Variants in LITAF observed in about 807,000 individuals in gnomAD.
LITAF encodes the protein lipopolysaccharide induced TNF factor, also known as lipopolysaccharide-induced tumor necrosis factor-alpha factor.
Under a neutral mutation model 14.5 loss-of-function variants are expected in LITAF, and 9 were observed. That is an observed-to-expected ratio of 0.62 (90% CI 0.37 to 1.08). LITAF has a LOEUF of 1.08. LITAF is among the 50% of genes least tolerant of loss of function. LITAF has a pLI of 0.01. For synonymous variants in LITAF, 98 were observed against 88.2 expected (o/e 1.11, Z -0.62); for missense variants, 206 against 213.4 (o/e 0.97, Z 0.22).
chr16:11,608,526 C>T (rs1011231128), intron 3 of LITAF, among the ~76,000 whole-genome samples: 3 of 152,194 alleles, frequency 2.0e-5, no homozygotes, highest in African/African-American at 7.2e-5. Flanking sequence ...AAATGTCCGT[C>T]GACAGACAAG....
intron 1 of LITAF, among the ~76,000 whole-genome samples, chr16:11,596,645 TGAG>T (rs1431621693): frequency 2.3e-5 from 1 of 44,418 alleles, no homozygotes; most frequent in East Asian, 8.7e-4. Flanking sequence ...GGGAAAAGGA[TGAG>T]GGGGAGAGGG....
upstream of LITAF, among the ~76,000 whole-genome samples, chr16:11,602,688 C>G (rs765611039): frequency 6.1e-5 from 9 of 147,856 alleles, no homozygotes; most frequent in Non-Finnish European, 1.2e-4. Context: ...TTGAGTTACA[C>G]TTGTGTTTTA....
At chr16:11,595,946 G>A (rs181876270) in intron 1 of LITAF, among the ~76,000 whole-genome samples, 1 of 152,104 alleles carries the variant, frequency 6.6e-6, no homozygotes, top group Admixed American at 6.6e-5. Context: ...AGGCATCCTG[G>A]GTTCCATCTA....
At chr16:11,635,990 G>T (rs1455856445) in intron 1 of LITAF, 1 of 152,334 alleles carries the variant, frequency 6.6e-6, no homozygotes, top group Non-Finnish European at 1.5e-5. Context: ...CACAGGCTGG[G>T]TTATTTTTCC....
chr16:11,598,195 G>A (rs553078410), intron 1 of LITAF, among the ~76,000 whole-genome samples: 4 of 151,864 alleles, frequency 2.6e-5, no homozygotes, highest in African/African-American at 9.7e-5. Flanking sequence ...TCTGTGCCCG[G>A]CCAAAAGCTC....
chr16:11,638,485 G>A (rs113674252), upstream of LITAF, among the ~76,000 whole-genome samples: 3,508 of 151,852 alleles, frequency 0.023, 147 homozygotes, highest in African/African-American at 0.08. Flanking sequence ...GGCGCATCAC[G>A]AGATCAGGAG....
At chr16:11,550,186 T>C (rs919061890) in intron 3 of LITAF, among the ~76,000 whole-genome samples, 2 of 152,120 alleles carry the variant, frequency 1.3e-5, no homozygotes, top group Non-Finnish European at 2.9e-5. Flanking sequence ...TCCTCCTGGG[T>C]TCAAGCAATT....
rs754748605 is a variant in LITAF at position 11,549,641 on chromosome 16, A to C, written c.482T>G (p.Leu161Trp). 1.9e-6 allele frequency: 3 copies of C among 1,612,454 alleles called. No individual in the cohort carries two copies. Among genetic ancestry groups the C allele is most frequent in the Admixed American group, 3.3e-5 (2 of 59,878 alleles). ...CRALLGTYKR[L>W] ...CCCTCCACGTCTGGCTGAGTCCTACAAACGCTTGTAGGTGCCCAGGAGAGC... is the reference window on the plus strand; with the variant it reads ...CCCTCCACGTCTGGCTGAGTCCTACCAACGCTTGTAGGTGCCCAGGAGAGC... Residue 161 changes from leucine (L) to tryptophan (W), a missense_variant, in exon 4 of 4, where the codon TTG (leucine) becomes TGG (tryptophan). Physicochemically the swap from Leu to Trp is moderately conservative, Grantham distance 61. Transcript: ENST00000622633. The surrounding 1 kb of genome is among the most constrained non-coding windows in gnomAD (Gnocchi z 4.6).
intron 1 of LITAF, among the ~76,000 whole-genome samples, chr16:11,568,842 G>A (rs558380240): frequency 6.6e-6 from 1 of 152,144 alleles, no homozygotes; most frequent in Non-Finnish European, 1.5e-5. Context: ...ACCAAGCCCA[G>A]CTAATTTTTG....
upstream of LITAF, among the ~76,000 whole-genome samples, chr16:11,602,174 T>C (rs1203362112): frequency 6.6e-6 from 1 of 152,006 alleles, no homozygotes; most frequent in African/African-American, 2.4e-5. Flanking sequence ...CCAGCCAACA[T>C]AGTGAAACCC....
rs532569244 is a variant in LITAF at position 11,567,195 on chromosome 16, G to A, written c.-5-10460C>T. Among the ~76,000 whole-genome samples the A allele has an allele frequency of 5.6e-3, 849 of 152,194 alleles. 8 individuals are homozygous for A. The highest frequency in any genetic ancestry group is 0.019 in the African/African-American group (794 of 41,524). ...AGCACTTTGGGAGGCCGAGGCAGGC[G>A]GATTACCTGAGGTCAGGAGTTTGAG... On this transcript the variant is annotated intron_variant, in intron 1 of 3. Coordinates refer to ENST00000622633, the MANE Select transcript of LITAF (RefSeq NM_001136472.2).
At chr16:11,587,129 C>G (rs1185584521), upstream of LITAF, 1 of 308,772 alleles carries the variant, frequency 3.2e-6, no homozygotes, top group Admixed American at 4.2e-5. Context: ...TCGCTCGCCA[C>G]CCCAGAGCTT....
At chr16:11,569,015 C>T (rs77376715) in intron 1 of LITAF, among the ~76,000 whole-genome samples, 17,567 of 152,050 alleles carry the variant, frequency 0.12, 1,012 homozygotes, top group Middle Eastern at 0.16. Context: ...GGGCCTTTCT[C>T]CTCCCTGACC....
At chr16:11,583,346 C>G (rs559916432) in intron 1 of LITAF, among the ~76,000 whole-genome samples, 16 of 152,292 alleles carry the variant, frequency 1.1e-4, no homozygotes, top group Non-Finnish European at 2.1e-4. Context: ...GCTGCTCCCC[C>G]ACAATCAGAG....
intron 1 of LITAF, among the ~76,000 whole-genome samples, chr16:11,597,600 C>T (rs2064898275): frequency 6.6e-6 from 1 of 152,186 alleles, no homozygotes; most frequent in East Asian, 1.9e-4. Flanking sequence ...TACGTCCATG[C>T]TCAGCCCCCA....
intron 3 of LITAF, among the ~76,000 whole-genome samples, chr16:11,551,462 C>T (rs2064180978): frequency 6.6e-6 from 1 of 152,144 alleles, no homozygotes; most frequent in Non-Finnish European, 1.5e-5. Context: ...ACCCACTCTA[C>T]CATGTTTAAG....
intron 1 of LITAF, among the ~76,000 whole-genome samples, chr16:11,597,420 C>G (rs2064896913): frequency 6.6e-6 from 1 of 152,126 alleles, no homozygotes. Flanking sequence ...CAAACAGTCA[C>G]AGTCACATAG....
At chr16:11,625,491 G>A (rs1307571430) in intron 3 of LITAF, among the ~76,000 whole-genome samples, 1 of 152,012 alleles carries the variant, frequency 6.6e-6, no homozygotes, top group East Asian at 1.9e-4. Context: ...TCCAACTCCT[G>A]GGCTCAAGCA....
chr16:11,619,447 A>G (rs2065037106), intron 3 of LITAF, among the ~76,000 whole-genome samples: 2 of 152,220 alleles, frequency 1.3e-5, no homozygotes, highest in Non-Finnish European at 2.9e-5. Flanking sequence ...ACCCTGTGGC[A>G]AGAAGCTGCC....
Sources: gnomAD v4.1 joint callset for allele counts (sites outside exome capture counted in the v4.1 genomes callset) on GRCh38, gnomAD v4.1.1 for gene constraint, Gnocchi (gnomAD v3.1) non-coding constraint, MANE v1.5 for transcripts, NCBI Gene and HGNC (gene_info 2026-07-23, HGNC 2026-07-21) for gene names.